The following RIC8A variants were observed in gnomAD, a reference collection of about 807,000 sequenced individuals.
RIC8A encodes chaperone Ric-8A.
A neutral mutation model predicts 48.4 loss-of-function variants in RIC8A; 37 were observed. That is an observed-to-expected ratio of 0.77 (90% CI 0.59 to 1.01). RIC8A has a LOEUF of 1.01. Among genes scored for constraint, RIC8A ranks in the 50% least tolerant of loss-of-function variants. RIC8A has a pLI of 0.00. For synonymous variants in RIC8A, 288 were observed against 283.4 expected (o/e 1.02, Z -0.16); for missense variants, 681 against 696.8 (o/e 0.98, Z 0.25).
chr11:209,129 T>G, intron 1 of RIC8A, 142 bp from the exon 2 acceptor site: 1 of 1,115,692 alleles, frequency 9.0e-7, no homozygotes, highest in Non-Finnish European at 1.4e-6. Context: ...GTGGCAGGCG[T>G]GTAGGGATGG....
intron 4 of RIC8A, 85 bp downstream of exon 4, chr11:210,747 C>A: frequency 1.6e-6 from 2 of 1,259,130 alleles, no homozygotes; most frequent in Non-Finnish European, 2.3e-6. Context: ...CCAGAACCAC[C>A]TGAGAGCCCA....
intron 9 of RIC8A, 88 bp from the exon 10 acceptor site, chr11:214,140 TAG>T (rs1855462797): frequency 1.4e-6 from 2 of 1,456,638 alleles, no homozygotes; most frequent in African/African-American, 1.4e-5. Context: ...GCCTACTTGG[TAG>T]AGAGGAAGGT....
intron 1 of RIC8A, 77 bp from the exon 2 acceptor site, chr11:209,194 A>C: frequency 6.4e-7 from 1 of 1,550,864 alleles, no homozygotes; most frequent in Non-Finnish European, 8.9e-7. Context: ...CCTGAGTTAG[A>C]GGCCAATAGG....
chr11:210,218 T>A, intron 3 of RIC8A: 5 of 633,768 alleles, frequency 7.9e-6, no homozygotes, highest in Non-Finnish European at 1.4e-5. Context: ...TCTTGCTGCC[T>A]GGCAGGAGGG....
chr11:212,710 T>A lies in RIC8A; in HGVS notation c.1161T>A (p.Asp387Glu). ...GCCTCATGACACACCTGGACACAGATGTGAAGAGGGTGGCTGCCGAGTTCT... is the reference window on the plus strand; with the variant it reads ...GCCTCATGACACACCTGGACACAGAAGTGAAGAGGGTGGCTGCCGAGTTCT... Reference protein sequence around the residue: ...LVRLMTHLDTDVKRVAAEFLF... With the variant: ...LVRLMTHLDTEVKRVAAEFLF... The change falls in exon 7 of 10, where the codon GAT becomes GAA. Residue 387 changes from aspartate to glutamate, a missense_variant. Asp to Glu is a conservative substitution (Grantham distance 45). Transcript: ENST00000526104. The A allele has an allele frequency of 6.2e-7, 1 of 1,614,042 alleles. No individual in the cohort carries two copies. Among genetic ancestry groups the A allele is most frequent in the South Asian group, 1.1e-5 (1 of 91,078 alleles).
intron 4 of RIC8A, 194 bp downstream of exon 4, chr11:210,856 G>A (rs575058365): frequency 7.9e-6 from 5 of 631,766 alleles, no homozygotes; most frequent in Non-Finnish European, 1.1e-5. Flanking sequence ...TTGGGTAGTG[G>A]CAACAGTATG....
chr11:212,133 A>G (rs1855374833), intron 5 of RIC8A: 2 of 432,132 alleles, frequency 4.6e-6, no homozygotes, highest in South Asian at 2.7e-5. Flanking sequence ...TCTGGTTTAT[A>G]GTTGAAGTAA....
chr11:209,772 G>A lies in RIC8A; in HGVS notation c.498G>A (p.Arg166=), dbSNP rs755009649. 7 of 1,614,056 alleles carry A rather than the reference G, an allele frequency of 4.3e-6. No individual in the cohort carries two copies. Among genetic ancestry groups the A allele is most frequent in the South Asian group, 1.1e-5 (1 of 91,086 alleles). ...ACGATGTCCAGTTCTTTGACTTGCG[G>A]CTCCTCTTCCTGCTAACGGCACTCC... The part of the protein sequence containing the change: ...FPHDVQFFDL[R]LLFLLTALRT... The change falls in exon 3 of 10, where the codon CGG becomes CGA. Residue 166 remains arginine (R), a synonymous_variant. Coordinates refer to ENST00000526104, the MANE Select transcript of RIC8A (RefSeq NM_001286134.2).
rs1053402326 is a variant in RIC8A at position 214,908 on chromosome 11, T to G, written c.*558T>G. On this transcript the variant is annotated 3_prime_UTR_variant, in exon 10 of 10. Coordinates refer to ENST00000526104, the MANE Select transcript of RIC8A (RefSeq NM_001286134.2). ...GCTGGAGGCCTCTTAGACATTCTCC[T>G]TGGTCCTCGTTCAGCTGCCCACTGT... is the stretch of plus-strand genomic sequence containing the variant. 4 of 201,824 alleles carry G rather than the reference T, an allele frequency of 2.0e-5. No individual in the cohort carries two copies. Among genetic ancestry groups the G allele is most frequent in the African/African-American group, 9.5e-5 (4 of 42,182 alleles). 12.5% of individuals were successfully genotyped at this position (201,824 alleles called of 1,614,324 possible).
At position 214,709 on chromosome 11, in the gene RIC8A, A is replaced by C; in HGVS notation, c.*359A>C. ...AGGGCAGGGGTTTGGGTGTGGGTGC[A>C]CACAAAGCAAGCACCATCTGGGATT... On this transcript the variant is annotated 3_prime_UTR_variant, in exon 10 of 10. Transcript: ENST00000526104. The C allele has an allele frequency of 2.7e-6, 1 of 376,346 alleles. No individual in the cohort carries two copies. The highest frequency in any genetic ancestry group is 5.1e-6 in the Non-Finnish European group (1 of 194,672). The allele number at this position is 376,346 out of a possible 1,614,324, so 23.3% of individuals were successfully genotyped here. A position where few individuals can be genotyped will look rare whatever the true frequency, so the allele number is the denominator to read the frequency against.
chr11:209,184 C>T (rs1181341890), intron 1 of RIC8A, 87 bp from the exon 2 acceptor site: 2 of 1,493,214 alleles, frequency 1.3e-6, no homozygotes, highest in Admixed American at 1.7e-5. Context: ...GTGGCTGCTG[C>T]CTGAGTTAGA....
Position 212,879 on chromosome 11 carries a change from G to A in RIC8A, c.1253G>A (p.Gly418Asp), listed in dbSNP as rs749519130. The change falls in exon 8 of 10, where the codon GGC becomes GAC. Residue 418 changes from glycine to aspartate, a missense_variant. Coordinates refer to ENST00000526104, the MANE Select transcript of RIC8A (RefSeq NM_001286134.2). ...IKYTGYGNAA[G>D]LLAARGLMAG... is the part of the protein sequence containing the mutation. The stretch of plus-strand genomic sequence containing the variant: ...TACACAGGCTATGGGAATGCTGCTG[G>A]CCTTCTGGCTGCCAGGGGCCTCATG... The A allele has an allele frequency of 1.9e-6, 3 of 1,606,664 alleles. No homozygotes were observed. Among genetic ancestry groups the A allele is most frequent in the Admixed American group, 1.7e-5 (1 of 59,362 alleles).
chr11:212,698 C>T lies in RIC8A; in HGVS notation c.1149C>T (p.His383=). 1.9e-6 allele frequency: 3 copies of T among 1,614,140 alleles called. No individual in the cohort carries two copies. The highest frequency in any genetic ancestry group is 1.7e-5 in the Admixed American group (1 of 60,030). ...LRNKLVRLMT[H]LDTDVKRVAA... ...ACAAGCTTGTCCGCCTCATGACACA[C>T]CTGGACACAGATGTGAAGAGGGTGG... Residue 383 remains histidine, a synonymous_variant, in exon 7 of 10, where the codon CAC becomes CAT. Coordinates refer to ENST00000526104, the MANE Select transcript of RIC8A (RefSeq NM_001286134.2).
intron 4 of RIC8A, chr11:210,941 A>C (rs1590075331): frequency 5.0e-6 from 3 of 604,956 alleles, no homozygotes; most frequent in Non-Finnish European, 8.7e-6. Context: ...GGGTTTCCAG[A>C]GATGGTCTGG....
In RIC8A at chr11:209,873, T is replaced by G; in HGVS notation, c.599T>G (p.Leu200Arg). The change falls in exon 3 of 10, where the codon CTG (leucine) becomes CGG (arginine). Residue 200 changes from leucine (L) to arginine (R), a missense_variant. By Grantham distance (102) the Leu-to-Arg change is moderately radical. Transcript: ENST00000526104. Reference sequence around the variant, plus strand: ...CTAACTGACACACTGGAGCTGACGCTGGGGGTGACTCCTGAAGGGAACCCC... The same window carrying G: ...CTAACTGACACACTGGAGCTGACGCGGGGGGTGACTCCTGAAGGGAACCCC... ...RLLTDTLELTLGVTPEGNPPP... is the reference protein window; with the variant it reads ...RLLTDTLELTRGVTPEGNPPP... The G allele has an allele frequency of 6.2e-7, 1 of 1,608,786 alleles. No individual in the cohort carries two copies.
chr11:210,292 C>CAA, intron 3 of RIC8A: 1 of 689,704 alleles, frequency 1.4e-6, no homozygotes, highest in Non-Finnish European at 2.6e-6. Flanking sequence ...GGGGCTGAGA[C>CAA]AGAGTGTGAC....
At position 211,180 on chromosome 11, in the gene RIC8A, T is replaced by C; in HGVS notation, c.819-19T>C. The stretch of plus-strand genomic sequence containing the variant: ...CAGGGATTAGCCCTGTTGAAACCCC[T>C]ACCTCCATCTGTCCCCAGCCACGCA... On this transcript the variant is annotated intron_variant, in intron 4 of 9. Coordinates refer to ENST00000526104, the MANE Select transcript of RIC8A (RefSeq NM_001286134.2). This position sits in a 1 kb window ranked among gnomAD's most constrained non-coding sequence, Gnocchi z 4.0. 6.2e-7 allele frequency: 1 copy of C among 1,607,634 alleles called. No individual in the cohort carries two copies. The highest frequency in any genetic ancestry group is 2.2e-5 in the East Asian group (1 of 44,836).
chr11:213,431 AGGAGGAGGGGCCTGCAGCTG>A lies in RIC8A; in HGVS notation c.1475+18_1475+37del. 1.3e-6 allele frequency: 2 copies of A among 1,569,682 alleles called. No homozygotes were observed. Among genetic ancestry groups the A allele is most frequent in the Non-Finnish European group, 1.7e-6 (2 of 1,156,704 alleles). On this transcript the variant is annotated intron_variant, in intron 9 of 9. Transcript: ENST00000526104. ...ACAAGCTCTCCAGGTGTGTGGCATG[AGGAGGAGGGGCCTGCAGCTG>A]GGAGAAGGGAGAGCTGACCCACATC...
At chr11:209,135 G>C (rs751839646) in intron 1 of RIC8A, 136 bp from the exon 2 acceptor site, 5 of 1,159,590 alleles carry the variant, frequency 4.3e-6, no homozygotes, top group Non-Finnish European at 6.5e-6. Flanking sequence ...GGCGTGTAGG[G>C]ATGGGGGCGA....
Sources: allele counts gnomAD v4.1 joint callset, GRCh38; gene constraint gnomAD v4.1.1; non-coding constraint Gnocchi (gnomAD v3.1); transcripts MANE v1.5; gene names NCBI Gene and HGNC (gene_info 2026-07-23, HGNC 2026-07-21).